Variants in EFEMP1 observed in about 807,000 individuals in gnomAD.
The protein encoded by EFEMP1 is EGF-containing fibulin-like extracellular matrix protein 1.
EFEMP1 carries 18 observed loss-of-function variants against 65.7 expected under a neutral mutation model. The ratio of observed to expected loss-of-function variants is 0.27; its 90% CI spans 0.19 to 0.41. The LOEUF is 0.41. Among genes scored for constraint, EFEMP1 ranks in the 10% least tolerant of loss-of-function variants. The pLI is 1.00. For synonymous variants in EFEMP1, 237 were observed against 219.7 expected (o/e 1.08, Z -0.70); for missense variants, 469 against 624.8 (o/e 0.75, Z 2.66).
intron 5 of EFEMP1, among the ~76,000 whole-genome samples, chr2:55,904,106 T>C (rs1670148945): frequency 1.3e-5 from 2 of 152,140 alleles, no homozygotes; most frequent in Admixed American, 6.5e-5. Context: ...GCCCCTACCC[T>C]AGCAGGTACT....
At position 55,917,577 on chromosome 2, in the gene EFEMP1, AG is replaced by A. The variant is rs1670743757; in HGVS notation, c.517+87del. On this transcript the variant is annotated intron_variant, in intron 5 of 11. Coordinates refer to ENST00000355426, the MANE Select transcript of EFEMP1 (RefSeq NM_001039348.3). The surrounding 1 kb of genome is among the most constrained non-coding windows in gnomAD (Gnocchi z 6.3). ...CACTTAGCATGATGTCTGGCACGCGAGAAGTCCTTAATAAATTATCATCATC... is the reference window on the plus strand; with the variant it reads ...CACTTAGCATGATGTCTGGCACGCGAAAGTCCTTAATAAATTATCATCATC... 2.6e-6 allele frequency: 4 copies of A among 1,549,408 alleles called. No individual in the cohort carries two copies. The highest frequency in any genetic ancestry group is 1.4e-5 in the African/African-American group (1 of 73,524).
In EFEMP1 at chr2:55,871,249, G is replaced by T; in HGVS notation, c.1001-126C>A. 7.7e-7 allele frequency: 1 copy of T among 1,295,330 alleles called. No homozygotes were observed. The highest frequency in any genetic ancestry group is 1.8e-5 in the Admixed American group (1 of 55,016). The allele number at this position is 1,295,330 out of a possible 1,614,324, so 80.2% of individuals were successfully genotyped here. A position where few individuals can be genotyped will look rare whatever the true frequency, so the allele number is the denominator to read the frequency against. ...AGAGCATCTGGACTGTGTTCAACCT[G>T]CTTTTAGACACAAGACTGGGTGTTC... On this transcript the variant is annotated intron_variant, in intron 9 of 11. Coordinates refer to ENST00000355426, the MANE Select transcript of EFEMP1 (RefSeq NM_001039348.3). This position sits in a 1 kb window ranked among gnomAD's most constrained non-coding sequence, Gnocchi z 4.2.
intron 9 of EFEMP1, 111 bp downstream of exon 9, chr2:55,874,835 G>A (rs1002096684): frequency 3.4e-6 from 4 of 1,180,476 alleles, no homozygotes; most frequent in South Asian, 1.6e-5. Context: ...AGCTTAAATT[G>A]TATATTGAAA....
chr2:55,891,616 A>G (rs935202434), intron 5 of EFEMP1, among the ~76,000 whole-genome samples: 1 of 152,126 alleles, frequency 6.6e-6, no homozygotes, highest in Non-Finnish European at 1.5e-5. Context: ...ATCTCCCAAC[A>G]TCTGAAATAC....
intron 5 of EFEMP1, among the ~76,000 whole-genome samples, chr2:55,887,850 T>C (rs889113540): frequency 1.1e-4 from 16 of 152,192 alleles, no homozygotes; most frequent in Non-Finnish European, 2.2e-4. Flanking sequence ...TGGCATTGCA[T>C]TGTGTTCTAT....
At position 55,923,053 on chromosome 2, in the gene EFEMP1, C is replaced by T; in HGVS notation, c.-48-114G>A. ...TCTAGTAGAATACTAGACCTTCTCA[C>T]ATGTCTCAGAGCTTCTCACATCCCC... On this transcript the variant is annotated intron_variant, in intron 1 of 11. Coordinates refer to ENST00000355426, the MANE Select transcript of EFEMP1 (RefSeq NM_001039348.3). This position sits in a 1 kb window ranked among gnomAD's most constrained non-coding sequence, Gnocchi z 5.3. 5.6e-6 allele frequency: 4 copies of T among 719,840 alleles called. No homozygotes were observed. Among genetic ancestry groups the T allele is most frequent in the Non-Finnish European group, 6.9e-6 (4 of 583,306 alleles). The allele number at this position is 719,840 out of a possible 1,614,324, so 44.6% of individuals were successfully genotyped here.
Position 55,922,366 on chromosome 2 carries a change from C to A in EFEMP1, c.75G>T (p.Thr25=). Reference sequence around the variant, plus strand: ...AAATTCCATCACCCCTTACCGTGTACGTGATGGTTTCTTCGGTGTCCTGTG... The same window carrying A: ...AAATTCCATCACCCCTTACCGTGTAAGTGATGGTTTCTTCGGTGTCCTGTG... ...VKSQDTEETI[T]YTQCTDGYEW... The change falls in exon 3 of 12, where the codon ACG becomes ACT. Residue 25 remains threonine (T), a synonymous_variant. Coordinates refer to ENST00000355426, the MANE Select transcript of EFEMP1 (RefSeq NM_001039348.3). The surrounding 1 kb of genome is among the most constrained non-coding windows in gnomAD (Gnocchi z 5.5). 1 of 1,613,662 alleles carries A rather than the reference C, an allele frequency of 6.2e-7. No individual in the cohort carries two copies. Among genetic ancestry groups the A allele is most frequent in the Non-Finnish European group, 8.5e-7 (1 of 1,179,660 alleles).
intron 5 of EFEMP1, 79 bp from the exon 6 acceptor site, chr2:55,881,813 C>A (rs1226636185): frequency 1.3e-6 from 2 of 1,558,364 alleles, no homozygotes; most frequent in Non-Finnish European, 1.8e-6. Context: ...ACTTCTTAAG[C>A]TAAATTTTTA....
chr2:55,876,713 A>T lies in EFEMP1; in HGVS notation c.790T>A (p.Cys264Ser). The T allele has an allele frequency of 6.2e-7, 1 of 1,610,114 alleles. No individual in the cohort carries two copies. The highest frequency in any genetic ancestry group is 8.5e-7 in the Non-Finnish European group (1 of 1,177,612). ...AGAATGTTGTAGCACTGCTGAGCAC[A>T]TTGATTGCTGGCATCACATTCATTT... Reference protein sequence around the residue: ...DINECDASNQCAQQCYNILGS... With the variant: ...DINECDASNQSAQQCYNILGS... The change falls in exon 8 of 12, where the codon TGT becomes AGT. Residue 264 changes from cysteine to serine, a missense_variant. Coordinates refer to ENST00000355426, the MANE Select transcript of EFEMP1 (RefSeq NM_001039348.3).
chr2:55,884,296 A>G (rs1669347961), intron 5 of EFEMP1, among the ~76,000 whole-genome samples: 1 of 152,256 alleles, frequency 6.6e-6, no homozygotes, highest in Admixed American at 6.5e-5. Flanking sequence ...TTACTTATTT[A>G]CACATCTATG....
chr2:55,886,359 C>T lies in EFEMP1; in HGVS notation c.518-4625G>A, dbSNP rs1669420837. Reference sequence around the variant, plus strand: ...TAAAATAACCGTATCTTTACTAGTTCTGTGTGGGGCACTGTGCATGCTTTG... The same window carrying T: ...TAAAATAACCGTATCTTTACTAGTTTTGTGTGGGGCACTGTGCATGCTTTG... On this transcript the variant is annotated intron_variant, in intron 5 of 11. Coordinates refer to ENST00000355426, the MANE Select transcript of EFEMP1 (RefSeq NM_001039348.3). This position sits in a 1 kb window ranked among gnomAD's most constrained non-coding sequence, Gnocchi z 4.0. Among the ~76,000 whole-genome samples the T allele has an allele frequency of 6.6e-6, 1 of 152,132 alleles. No homozygotes were observed. Among genetic ancestry groups the T allele is most frequent in the Admixed American group, 6.6e-5 (1 of 15,260 alleles).
chr2:55,866,929 A>T lies in EFEMP1; in HGVS notation c.*144T>A. 1 of 1,049,592 alleles carries T rather than the reference A, an allele frequency of 9.5e-7. No individual in the cohort carries two copies. The highest frequency in any genetic ancestry group is 1.4e-6 in the Non-Finnish European group (1 of 710,102). The allele number at this position is 1,049,592 out of a possible 1,614,324, so 65.0% of individuals were successfully genotyped here. A position where few individuals can be genotyped will look rare whatever the true frequency, so the allele number is the denominator to read the frequency against. On this transcript the variant is annotated 3_prime_UTR_variant, in exon 12 of 12. Transcript: ENST00000355426. ...TTTACATATTAAATGCCCACTTTAT[A>T]CCATGGTGTAATTGTTTGAATTATG...
chr2:55,906,609 A>T (rs1042055499), intron 5 of EFEMP1, among the ~76,000 whole-genome samples: 2 of 150,928 alleles, frequency 1.3e-5, no homozygotes, highest in Non-Finnish European at 3.0e-5. Context: ...ATATTCCAGG[A>T]CATGAACTGT....
At chr2:55,874,826 G>A (rs1057183478) in intron 9 of EFEMP1, 120 bp downstream of exon 9, 3 of 1,090,600 alleles carry the variant, frequency 2.8e-6, no homozygotes, top group South Asian at 3.5e-5. Flanking sequence ...GGAAAAAAGA[G>A]CTTAAATTGT....
At chr2:55,876,371 G>T (rs184765417) in intron 8 of EFEMP1, among the ~76,000 whole-genome samples, 1 of 152,080 alleles carries the variant, frequency 6.6e-6, no homozygotes, top group African/African-American at 2.4e-5. Flanking sequence ...ACACTGAGAC[G>T]CAACATGCTA....
chr2:55,922,347 C>T lies in EFEMP1; in HGVS notation c.81+13G>A. 1 of 1,613,104 alleles carries T rather than the reference C, an allele frequency of 6.2e-7. No homozygotes were observed. The highest frequency in any genetic ancestry group is 1.3e-5 in the African/African-American group (1 of 74,990). On this transcript the variant is annotated intron_variant, in intron 3 of 11. Coordinates refer to ENST00000355426, the MANE Select transcript of EFEMP1 (RefSeq NM_001039348.3). The surrounding 1 kb of genome is among the most constrained non-coding windows in gnomAD (Gnocchi z 5.5). Reference sequence around the variant, plus strand: ...GCTGAACCGTACTTATTTCAAATTCCATCACCCCTTACCGTGTACGTGATG... The same window carrying T: ...GCTGAACCGTACTTATTTCAAATTCTATCACCCCTTACCGTGTACGTGATG...
intron 5 of EFEMP1, among the ~76,000 whole-genome samples, chr2:55,897,654 T>G (rs1201819931): frequency 6.6e-6 from 1 of 152,218 alleles, no homozygotes; most frequent in Non-Finnish European, 1.5e-5. Context: ...CCATCTATTC[T>G]TATGTTCTTA....
At chr2:55,869,061 A>C (rs556544956) in intron 11 of EFEMP1, among the ~76,000 whole-genome samples, 1 of 152,280 alleles carries the variant, frequency 6.6e-6, no homozygotes, top group Non-Finnish European at 1.5e-5. Flanking sequence ...AATGTTTTCT[A>C]TCAGTCATGA....
At chr2:55,908,220 C>G (rs1405871340) in intron 5 of EFEMP1, among the ~76,000 whole-genome samples, 2 of 152,088 alleles carry the variant, frequency 1.3e-5, no homozygotes, top group Non-Finnish European at 2.9e-5. Flanking sequence ...GGGAAATGTC[C>G]AAGGTAAGAT....
Sources: allele counts gnomAD v4.1 joint callset (sites outside exome capture counted in the v4.1 genomes callset), GRCh38; gene constraint gnomAD v4.1.1; non-coding constraint Gnocchi (gnomAD v3.1); transcripts MANE v1.5; gene names NCBI Gene and HGNC (gene_info 2026-07-23, HGNC 2026-07-21).